ADAMTS9: variants seen among roughly 807,000 people sequenced by gnomAD.
ADAMTS9 encodes the protein A disintegrin and metalloproteinase with thrombospondin motifs 9.
In ADAMTS9, 107 loss-of-function variants were observed where a neutral mutation model predicts 257.1. The observed-to-expected ratio is 0.42, with a 90% confidence interval of 0.36 to 0.49. The LOEUF (loss-of-function observed/expected upper bound fraction) is 0.49, where lower values mean the gene tolerates loss of function less well. Ranked by LOEUF, ADAMTS9 falls within the 20% of genes least tolerant of loss-of-function variation. The pLI is 0.03. For synonymous variants in ADAMTS9, 982 were observed against 880.9 expected (o/e 1.11, Z -2.03); for missense variants, 2,353 against 2,469.1 (o/e 0.95, Z 1.00).
chr3:64,655,182 C>T (rs1436018532), intron 6 of ADAMTS9, among the ~76,000 whole-genome samples: 2 of 152,204 alleles, frequency 1.3e-5, no homozygotes, highest in South Asian at 2.1e-4. Flanking sequence ...TACATGGCAA[C>T]GCCAGGTCCA....
intron 7 of ADAMTS9, 23 bp from the exon 8 acceptor site, chr3:64,654,481 C>T (rs1431149875): frequency 1.2e-6 from 2 of 1,612,830 alleles, no homozygotes; most frequent in Non-Finnish European, 1.7e-6. Flanking sequence ...AAAAAACCAA[C>T]AAGGATTTAC....
chr3:64,606,650 G>C lies in ADAMTS9; in HGVS notation c.3474+310C>G, dbSNP rs567862327. Among the ~76,000 whole-genome samples the C allele has an allele frequency of 2.0e-5, 3 of 152,268 alleles. No homozygotes were observed. In the East Asian group the frequency reaches 5.8e-4, roughly 29 times the overall value. Reference sequence around the variant, plus strand: ...ATCACCGCCTGAACATGTGACACTAGTTACTGAATACTACATTGAAATCAT... The same window carrying C: ...ATCACCGCCTGAACATGTGACACTACTTACTGAATACTACATTGAAATCAT... On this transcript the variant is annotated intron_variant, in intron 23 of 39. Transcript: ENST00000498707.
At chr3:64,684,060 C>G (rs1701829338) in intron 2 of ADAMTS9, among the ~76,000 whole-genome samples, 1 of 152,082 alleles carries the variant, frequency 6.6e-6, no homozygotes, top group African/African-American at 2.4e-5. Flanking sequence ...GGCACAAAGG[C>G]AATGAAGACT....
intron 8 of ADAMTS9, among the ~76,000 whole-genome samples, chr3:64,653,497 C>T (rs1174008574): frequency 6.6e-6 from 1 of 152,180 alleles, no homozygotes; most frequent in African/African-American, 2.4e-5. Flanking sequence ...GTATATGCAT[C>T]TCCCTCTGTG....
chr3:64,545,141 C>T (rs538627747), intron 32 of ADAMTS9, among the ~76,000 whole-genome samples: 69 of 152,290 alleles, frequency 4.5e-4, no homozygotes, highest in Admixed American at 4.6e-4. Flanking sequence ...GAAATAAGAG[C>T]GCTTTTCCAC....
chr3:64,628,507 C>T (rs1193805189), intron 16 of ADAMTS9, among the ~76,000 whole-genome samples: 1 of 152,172 alleles, frequency 6.6e-6, no homozygotes, highest in African/African-American at 2.4e-5. Context: ...CAGCCACATG[C>T]TCAAATTTAT....
intron 8 of ADAMTS9, among the ~76,000 whole-genome samples, chr3:64,652,526 T>C (rs1044091820): frequency 2.0e-5 from 3 of 152,186 alleles, no homozygotes; most frequent in South Asian, 2.1e-4. Flanking sequence ...TGGTGTTTAT[T>C]TCCCATCCCC....
intron 19 of ADAMTS9, among the ~76,000 whole-genome samples, chr3:64,616,448 C>T (rs1329115262): frequency 6.6e-6 from 1 of 152,052 alleles, no homozygotes; most frequent in Non-Finnish European, 1.5e-5. Flanking sequence ...ATTCAAGCTA[C>T]CAAAAGGAAA....
chr3:64,621,158 C>G lies in ADAMTS9; in HGVS notation c.2769G>C (p.Gln923His). The part of the protein sequence containing the change: ...VSDQRCDRLP[Q>H]PGHITEPCGT... Reference sequence around the variant, plus strand: ...CACAGGGTTCAGTAATGTGTCCAGGCTGGGGCAGCCGATCGCATCTTTGAT... The same window carrying G: ...CACAGGGTTCAGTAATGTGTCCAGGGTGGGGCAGCCGATCGCATCTTTGAT... The change falls in exon 19 of 40, where the codon CAG becomes CAC. Residue 923 changes from glutamine to histidine, a missense_variant. By Grantham distance (24) the Gln-to-His change is conservative. Coordinates refer to ENST00000498707, the MANE Select transcript of ADAMTS9 (RefSeq NM_182920.2). The G allele has an allele frequency of 6.2e-7, 1 of 1,613,888 alleles. No homozygotes were observed. The highest frequency in any genetic ancestry group is 8.5e-7 in the Non-Finnish European group (1 of 1,179,896).
chr3:64,622,310 C>A lies in ADAMTS9; in HGVS notation c.2574G>T (p.Lys858Asn). 1 of 1,613,672 alleles carries A rather than the reference C, an allele frequency of 6.2e-7. No homozygotes were observed. Among genetic ancestry groups the A allele is most frequent in the Non-Finnish European group, 8.5e-7 (1 of 1,179,906 alleles). The change falls in exon 18 of 40, where the codon AAG (lysine) becomes AAT (asparagine). Residue 858 changes from lysine (K) to asparagine (N), a missense_variant. Lys to Asn is a moderately conservative substitution (Grantham distance 94, BLOSUM62 0). This residue lies in a region of ADAMTS9 where 1,402 missense variants were observed against 1,441.4 expected (regional missense o/e 0.97). Coordinates refer to ENST00000498707, the MANE Select transcript of ADAMTS9 (RefSeq NM_182920.2). ...ELLLQVLSVG[K>N]LYNPDVRYSF... ...AATAGCGTACATCGGGGTTGTACAA[C>A]TTTCCCACCGACAAAACCTAGAATG... is the stretch of plus-strand genomic sequence containing the variant.
chr3:64,572,894 A>G (rs1472629814), intron 28 of ADAMTS9, among the ~76,000 whole-genome samples: 1 of 152,026 alleles, frequency 6.6e-6, no homozygotes, highest in Non-Finnish European at 1.5e-5. Flanking sequence ...TCTAGCCAAC[A>G]TGGTGAAACC....
intron 30 of ADAMTS9, among the ~76,000 whole-genome samples, chr3:64,561,089 G>C (rs961059701): frequency 1.4e-5 from 2 of 141,410 alleles, no homozygotes; most frequent in Non-Finnish European, 3.0e-5. Context: ...TTAAATGTTA[G>C]AAATCTTTCA....
At position 64,594,621 on chromosome 3, in the gene ADAMTS9, C is replaced by G. The variant is rs560646366; in HGVS notation, c.4180-187G>C. The stretch of plus-strand genomic sequence containing the variant: ...GACCAAGACTCTCCTACTTTAATGG[C>G]AGGTATTAGTTATTAAGTGCTTTCT... On this transcript the variant is annotated intron_variant, in intron 27 of 39. Coordinates refer to ENST00000498707, the MANE Select transcript of ADAMTS9 (RefSeq NM_182920.2). 3.3e-5 allele frequency among the ~76,000 whole-genome samples: 5 copies of G among 152,228 alleles called. No individual in the cohort carries two copies. The South Asian group carries it at 1.0e-3, about 32-fold the overall frequency.
intron 31 of ADAMTS9, chr3:64,550,507 T>C (rs1352104638): frequency 1.1e-5 from 2 of 184,100 alleles, no homozygotes; most frequent in Non-Finnish European, 2.3e-5. Context: ...ATGTGCTAGT[T>C]TGTCACAGTT....
chr3:64,557,601 G>A (rs1292670654), intron 30 of ADAMTS9, among the ~76,000 whole-genome samples: 6 of 152,052 alleles, frequency 3.9e-5, no homozygotes, highest in African/African-American at 1.4e-4. Context: ...AGCCTCCATC[G>A]GAAGGCCACC....
chr3:64,557,480 T>C (rs1199981466), intron 30 of ADAMTS9, among the ~76,000 whole-genome samples: 1 of 152,160 alleles, frequency 6.6e-6, no homozygotes, highest in African/African-American at 2.4e-5. Context: ...AATTCTAAAG[T>C]GGGTAAAACT....
At chr3:64,598,737 G>A (rs558765304) in intron 26 of ADAMTS9, among the ~76,000 whole-genome samples, 1 of 152,122 alleles carries the variant, frequency 6.6e-6, no homozygotes, top group South Asian at 2.1e-4. Context: ...GGCCTTTCAT[G>A]GTATAAATAG....
At chr3:64,625,570 A>G (rs9812338) in intron 16 of ADAMTS9, among the ~76,000 whole-genome samples, 48,320 of 151,972 alleles carry the variant, frequency 0.32, 11,239 homozygotes, top group African/African-American at 0.64. Context: ...AGGGCTATTC[A>G]TTCCAGGATT....
At chr3:64,548,044 C>A (rs941067583) in intron 31 of ADAMTS9, among the ~76,000 whole-genome samples, 4 of 152,108 alleles carry the variant, frequency 2.6e-5, no homozygotes, top group Non-Finnish European at 5.9e-5. Context: ...ATAAATACCC[C>A]AAAACAGTAT....
Sources: allele counts gnomAD v4.1 joint callset (sites outside exome capture counted in the v4.1 genomes callset), GRCh38; gene constraint gnomAD v4.1.1; regional missense constraint gnomAD v4.1.1; transcripts MANE v1.5; gene names NCBI Gene and HGNC (gene_info 2026-07-23, HGNC 2026-07-21).